MYO3B: variants seen among roughly 807,000 people sequenced by gnomAD.
The protein encoded by MYO3B is myosin-IIIb.
MYO3B carries 156 observed loss-of-function variants against 174.6 expected under a neutral mutation model. That is an observed-to-expected ratio of 0.89 (90% confidence interval 0.78 to 1.02). The LOEUF (loss-of-function observed/expected upper bound fraction) is 1.02, where lower values mean the gene tolerates loss of function less well. Among genes scored for constraint, MYO3B ranks in the 50% least tolerant of loss-of-function variants. The pLI, the probability that MYO3B is intolerant of heterozygous loss-of-function variation, is 0.00. For missense variants in MYO3B, 1,632 were observed against 1,639.4 expected, an observed-to-expected ratio of 1.00 and a Z score of 0.08; for synonymous variants, 563 against 569.1, an observed-to-expected ratio of 0.99 and a Z score of 0.15.
intron 25 of MYO3B, among the ~76,000 whole-genome samples, chr2:170,485,192 C>A (rs13423274): frequency 0.018 from 2,779 of 151,980 alleles, 84 homozygotes; most frequent in African/African-American, 0.064. Context: ...TACAATAAAA[C>A]CATAACAATT....
chr2:170,215,500 T>C (rs531394532), intron 5 of MYO3B, among the ~76,000 whole-genome samples: 1 of 152,258 alleles, frequency 6.6e-6, no homozygotes, highest in East Asian at 1.9e-4. Flanking sequence ...AGTTCAGCAA[T>C]AGTACTTCAG....
chr2:170,281,237 A>C (rs1049118438), intron 7 of MYO3B, among the ~76,000 whole-genome samples: 13 of 152,042 alleles, frequency 8.6e-5, no homozygotes, highest in Non-Finnish European at 1.6e-4. Flanking sequence ...TTTTTGTGGC[A>C]ATTGTGAATG....
At chr2:170,616,387 G>A (rs927675363) in intron 32 of MYO3B, among the ~76,000 whole-genome samples, 3 of 152,094 alleles carry the variant, frequency 2.0e-5, no homozygotes, top group African/African-American at 7.2e-5. Flanking sequence ...CTGACTGCAC[G>A]TCCATTCATA....
At chr2:170,302,180 G>A (rs764797151) in intron 7 of MYO3B, among the ~76,000 whole-genome samples, 4 of 152,090 alleles carry the variant, frequency 2.6e-5, no homozygotes, top group South Asian at 2.1e-4. Flanking sequence ...AAGAGCAGAC[G>A]TAATGAGTAA....
intron 1 of MYO3B, among the ~76,000 whole-genome samples, chr2:170,198,204 G>A (rs186191615): frequency 2.7e-4 from 40 of 150,132 alleles, no homozygotes; most frequent in African/African-American, 8.6e-4. Flanking sequence ...CATTGCTAAC[G>A]TCAAGGCCCA....
intron 32 of MYO3B, among the ~76,000 whole-genome samples, chr2:170,578,747 T>C (rs1692951856): frequency 6.6e-6 from 1 of 152,238 alleles, no homozygotes; most frequent in Non-Finnish European, 1.5e-5. Context: ...CAAGTAGATA[T>C]TGTGGTCTAA....
intron 30 of MYO3B, among the ~76,000 whole-genome samples, chr2:170,533,515 C>G (rs1689488894): frequency 6.6e-6 from 1 of 152,008 alleles, no homozygotes; most frequent in Admixed American, 6.6e-5. Context: ...TCCTTTTTCT[C>G]TACAAGTCTA....
chr2:170,608,719 G>C (rs2106357216), intron 32 of MYO3B, among the ~76,000 whole-genome samples: 1 of 152,300 alleles, frequency 6.6e-6, no homozygotes, highest in South Asian at 2.1e-4. Flanking sequence ...ATGTGTGTGT[G>C]TGTTTCAGCA....
chr2:170,611,245 A>T (rs2106362064), intron 32 of MYO3B, among the ~76,000 whole-genome samples: 1 of 152,344 alleles, frequency 6.6e-6, no homozygotes, highest in Admixed American at 6.5e-5. Context: ...CTGCCTCAAA[A>T]TTACTTACAT....
At chr2:170,480,452 T>G (rs1178026791) in intron 25 of MYO3B, among the ~76,000 whole-genome samples, 3 of 152,204 alleles carry the variant, frequency 2.0e-5, no homozygotes, top group Non-Finnish European at 4.4e-5. Context: ...GCCCTACTCA[T>G]CTCTTCATCT....
chr2:170,568,118 T>C (rs190406929), intron 32 of MYO3B, among the ~76,000 whole-genome samples: 43 of 152,314 alleles, frequency 2.8e-4, no homozygotes, highest in Non-Finnish European at 4.4e-5. Context: ...CGTACAAATA[T>C]TATTATTTTC....
intron 6 of MYO3B, among the ~76,000 whole-genome samples, chr2:170,223,089 C>G (rs2092918186): frequency 6.6e-6 from 1 of 152,122 alleles, no homozygotes; most frequent in Non-Finnish European, 1.5e-5. Context: ...CCAACACCCC[C>G]AGACTTTTGT....
At chr2:170,627,135 C>G (rs1696513007) in intron 32 of MYO3B, among the ~76,000 whole-genome samples, 2 of 152,152 alleles carry the variant, frequency 1.3e-5, no homozygotes, top group South Asian at 4.1e-4. Context: ...TGGGTAATAT[C>G]CTGAAGAGGG....
At chr2:170,575,241 T>C (rs1241419310) in intron 32 of MYO3B, among the ~76,000 whole-genome samples, 2 of 152,330 alleles carry the variant, frequency 1.3e-5, no homozygotes, top group East Asian at 3.9e-4. Flanking sequence ...TGTATTTAAA[T>C]GTTAGGAAAG....
intron 7 of MYO3B, among the ~76,000 whole-genome samples, chr2:170,257,284 A>G (rs1163160216): frequency 1.3e-5 from 2 of 152,164 alleles, no homozygotes; most frequent in African/African-American, 2.4e-5. Flanking sequence ...CACAGAATAT[A>G]CATTCTTCTC....
chr2:170,487,206 T>C (rs1028464622), intron 25 of MYO3B, among the ~76,000 whole-genome samples: 2 of 152,248 alleles, frequency 1.3e-5, no homozygotes, highest in Admixed American at 1.3e-4. Flanking sequence ...TCATACGACA[T>C]GGCTTGAGTT....
chr2:170,506,817 A>C (rs1233630727), intron 28 of MYO3B, among the ~76,000 whole-genome samples: 1 of 152,236 alleles, frequency 6.6e-6, no homozygotes, highest in East Asian at 1.9e-4. Context: ...GTACATAAGT[A>C]GATTGTTGAT....
chr2:170,492,609 G>A (rs1559053273), intron 25 of MYO3B, among the ~76,000 whole-genome samples: 1 of 152,152 alleles, frequency 6.6e-6, no homozygotes, highest in African/African-American at 2.4e-5. Flanking sequence ...TAATTAAGTT[G>A]TCTTTCAGAA....
chr2:170,412,184 A>T (rs1260117978), intron 22 of MYO3B: 1 of 152,206 alleles, frequency 6.6e-6, no homozygotes, highest in Non-Finnish European at 1.5e-5. Context: ...CTGTTTGGGT[A>T]ATGTTCCACT....
Sources: allele counts gnomAD v4.1 joint callset (sites outside exome capture counted in the v4.1 genomes callset), GRCh38; gene constraint gnomAD v4.1.1; transcripts MANE v1.5; gene names NCBI Gene and HGNC (gene_info 2026-07-23, HGNC 2026-07-21).